The following RTRAF variants were observed in gnomAD, a reference collection of about 807,000 sequenced individuals.
RTRAF encodes tRNA-splicing ligase complex subunit RTRAF.
A neutral mutation model predicts 34.4 loss-of-function variants in RTRAF; 14 were observed. The observed-to-expected ratio is 0.41, with a 90% CI of 0.27 to 0.64. RTRAF has a LOEUF of 0.64. RTRAF is among the 30% of genes least tolerant of loss of function. The pLI is 0.34. For synonymous variants in RTRAF, 96 were observed against 95.3 expected (o/e 1.01, Z -0.04); for missense variants, 291 against 288.4 (o/e 1.01, Z -0.06).
At position 52,006,646 on chromosome 14, in the gene RTRAF, CCA is replaced by C; in HGVS notation, c.*2131_*2132del. 6.2e-7 allele frequency: 1 copy of C among 1,613,336 alleles called. No individual in the cohort carries two copies. On this transcript the variant is annotated 3_prime_UTR_variant, in exon 8 of 8. Transcript: ENST00000261700. ...CCAGTTCCATCAGGTAGTGTACACT[CCA>C]GTTTTTTGGTTCCTTTTAAAACAAA...
At position 52,004,236 on chromosome 14, in the gene RTRAF, A is replaced by G; in HGVS notation, c.574A>G (p.Thr192Ala). 1 of 1,613,524 alleles carries G rather than the reference A, an allele frequency of 6.2e-7. No homozygotes were observed. Among genetic ancestry groups the G allele is most frequent in the Non-Finnish European group, 8.5e-7 (1 of 1,179,646 alleles). Reference protein sequence around the residue: ...ALDKHILGFDTGDAVLNEAAQ... With the variant: ...ALDKHILGFDAGDAVLNEAAQ... ...AGACAAACATATTCTTGGTTTTGAC[A>G]CAGGAGGTAAGTGATTTTGTTTAAA... Residue 192 changes from threonine to alanine, a missense_variant, in exon 7 of 8, where the codon ACA becomes GCA. Coordinates refer to ENST00000261700, the MANE Select transcript of RTRAF (RefSeq NM_016039.3).
chr14:51,994,322 C>T (rs780236085), intron 3 of RTRAF, among the ~76,000 whole-genome samples: 2 of 152,172 alleles, frequency 1.3e-5, no homozygotes, highest in Non-Finnish European at 2.9e-5. Flanking sequence ...GGTGTTTTCT[C>T]TTATTAGACC....
At chr14:52,001,241 AGT>A (rs144834676) in intron 5 of RTRAF, among the ~76,000 whole-genome samples, 14,909 of 152,130 alleles carry the variant, frequency 0.098, 928 homozygotes, top group East Asian at 0.15. Flanking sequence ...TTGATTTTTA[AGT>A]GTGTATGGAT....
intron 5 of RTRAF, among the ~76,000 whole-genome samples, chr14:52,000,757 T>G (rs1209555750): frequency 6.6e-6 from 1 of 152,208 alleles, no homozygotes; most frequent in Non-Finnish European, 1.5e-5. Context: ...TTTCAAAGGC[T>G]TGTTCTTTAT....
chr14:52,003,416 A>G (rs1890639612), intron 6 of RTRAF, among the ~76,000 whole-genome samples: 1 of 152,188 alleles, frequency 6.6e-6, no homozygotes, highest in Non-Finnish European at 1.5e-5. Context: ...GAGCCTACGT[A>G]GATTTACATT....
rs1890847292 is a variant in RTRAF at position 52,007,768 on chromosome 14, G to GTGATGAGAGGT, written c.*3254_*3264dup. On this transcript the variant is annotated 3_prime_UTR_variant, in exon 8 of 8. Coordinates refer to ENST00000261700, the MANE Select transcript of RTRAF (RefSeq NM_016039.3). Reference sequence around the variant, plus strand: ...AAATCTGTTAGTGCTCACATTCACTGTGATGAGAGGTTATCTATTTGCATT... The same window carrying GTGATGAGAGGT: ...AAATCTGTTAGTGCTCACATTCACTGTGATGAGAGGTTGATGAGAGGTTATCTATTTGCATT... 1 of 1,534,410 alleles carries GTGATGAGAGGT rather than the reference G, an allele frequency of 6.5e-7. No homozygotes were observed. The highest frequency in any genetic ancestry group is 1.2e-5 in the South Asian group (1 of 86,856).
At chr14:52,004,071 C>G in intron 6 of RTRAF, 123 bp from the exon 7 acceptor site, 1 of 816,784 alleles carries the variant, frequency 1.2e-6, no homozygotes, top group South Asian at 1.7e-5. Context: ...ATTCCTAGTT[C>G]CCTTGCCCAT....
rs2140342029 is a variant in RTRAF at position 52,008,712 on chromosome 14, T to TA, written c.*4196_*4197insA. On this transcript the variant is annotated 3_prime_UTR_variant, in exon 8 of 8. Coordinates refer to ENST00000261700, the MANE Select transcript of RTRAF (RefSeq NM_016039.3). ...GAAGTCTTGAATTGGATCTTGGGTT[T>TA]TAGAATAGAAACAAATACAGCTGTT... is the stretch of plus-strand genomic sequence containing the variant. 6.6e-6 allele frequency: 1 copy of TA among 152,270 alleles called. No homozygotes were observed. Among genetic ancestry groups the TA allele is most frequent in the South Asian group, 2.1e-4 (1 of 4,824 alleles). 9.4% of individuals were successfully genotyped at this position (152,270 alleles called of 1,614,324 possible). A position where few individuals can be genotyped will look rare whatever the true frequency, so the allele number is the denominator to read the frequency against.
At chr14:52,003,231 GT>G (rs528779445) in intron 6 of RTRAF, among the ~76,000 whole-genome samples, 68 of 152,108 alleles carry the variant, frequency 4.5e-4, no homozygotes, top group Non-Finnish European at 7.9e-4. Context: ...GCATATGGTA[GT>G]TTTCAGGGGT....
rs1040282568 is a variant in RTRAF, at chr14:52,006,784, G to C, written c.*2268G>C. 2.0e-6 allele frequency: 2 copies of C among 1,012,506 alleles called. No homozygotes were observed. Among genetic ancestry groups the C allele is most frequent in the African/African-American group, 3.2e-5 (2 of 61,902 alleles). 62.7% of individuals were successfully genotyped at this position (1,012,506 alleles called of 1,614,324 possible). ...ATATTTTACTTCCATTACAGTCATAGATTAGCAACTGTAAAATTACCTGTC... is the reference window on the plus strand; with the variant it reads ...ATATTTTACTTCCATTACAGTCATACATTAGCAACTGTAAAATTACCTGTC... On this transcript the variant is annotated 3_prime_UTR_variant, in exon 8 of 8. Transcript: ENST00000261700.
rs1890823742 is a variant in RTRAF, at chr14:52,007,318, TC to T, written c.*2803del. On this transcript the variant is annotated 3_prime_UTR_variant, in exon 8 of 8. Coordinates refer to ENST00000261700, the MANE Select transcript of RTRAF (RefSeq NM_016039.3). ...AATTCAAGAACAGTCTTTTTCATAT[TC>T]TTTAGTATAGAACTAGACACACAGC... 6.4e-6 allele frequency: 1 copy of T among 156,266 alleles called. No homozygotes were observed. Among genetic ancestry groups the T allele is most frequent in the African/African-American group, 2.4e-5 (1 of 41,474 alleles). 9.7% of individuals were successfully genotyped at this position (156,266 alleles called of 1,614,324 possible).
chr14:52,001,747 G>A (rs550346976), intron 5 of RTRAF, 51 bp from the exon 6 acceptor site: 1 of 1,441,354 alleles, frequency 6.9e-7, no homozygotes, highest in African/African-American at 1.4e-5. Context: ...TAGAAGAAAG[G>A]ATGACAGGTA....
At chr14:51,992,207 T>C (rs929129119) in intron 2 of RTRAF, among the ~76,000 whole-genome samples, 1 of 152,214 alleles carries the variant, frequency 6.6e-6, no homozygotes, top group Non-Finnish European at 1.5e-5. Flanking sequence ...ATTCTCAGAT[T>C]AGAATAAAAA....
Position 52,005,688 on chromosome 14 carries a change from C to CTTCTCTACCCTGCTAATTT in RTRAF, c.*1173_*1191dup. The stretch of plus-strand genomic sequence containing the variant: ...GGGTAATCAAATACCATATATATCC[C>CTTCTCTACCCTGCTAATTT]TTCTCTACCCTGCTAATTTAAAGGA... On this transcript the variant is annotated 3_prime_UTR_variant, in exon 8 of 8. Coordinates refer to ENST00000261700, the MANE Select transcript of RTRAF (RefSeq NM_016039.3). 1 of 1,484,748 alleles carries CTTCTCTACCCTGCTAATTT rather than the reference C, an allele frequency of 6.7e-7. No individual in the cohort carries two copies. Among genetic ancestry groups the CTTCTCTACCCTGCTAATTT allele is most frequent in the Non-Finnish European group, 9.4e-7 (1 of 1,062,528 alleles). 92.0% of individuals were successfully genotyped at this position (1,484,748 alleles called of 1,614,324 possible).
intron 4 of RTRAF, chr14:51,999,412 T>C (rs1171231125): frequency 8.5e-6 from 2 of 234,284 alleles, no homozygotes; most frequent in African/African-American, 4.5e-5. Flanking sequence ...ATTTTCCTCA[T>C]CTTGCACTAG....
chr14:52,008,517 T>A lies in RTRAF; in HGVS notation c.*4001T>A, dbSNP rs1421957888. On this transcript the variant is annotated 3_prime_UTR_variant, in exon 8 of 8. Coordinates refer to ENST00000261700, the MANE Select transcript of RTRAF (RefSeq NM_016039.3). ...TTACACTGCTGAGGGTTTGGGCAATTTCTTACACAGCAGTAGGTAACTAAT... is the reference window on the plus strand; with the variant it reads ...TTACACTGCTGAGGGTTTGGGCAATATCTTACACAGCAGTAGGTAACTAAT... The A allele has an allele frequency of 6.6e-6, 1 of 152,294 alleles. No individual in the cohort carries two copies. The highest frequency in any genetic ancestry group is 2.4e-5 in the African/African-American group (1 of 41,436). 9.4% of individuals were successfully genotyped at this position (152,294 alleles called of 1,614,324 possible). A position where few individuals can be genotyped will look rare whatever the true frequency, so the allele number is the denominator to read the frequency against.
chr14:52,000,142 A>G (rs973290467), intron 5 of RTRAF, among the ~76,000 whole-genome samples: 5 of 152,168 alleles, frequency 3.3e-5, no homozygotes, highest in African/African-American at 9.6e-5. Context: ...TTTAAGCACT[A>G]TAACCCTGTG....
chr14:51,999,495 C>T (rs1890569667), intron 4 of RTRAF: 2 of 440,048 alleles, frequency 4.5e-6, no homozygotes, highest in Non-Finnish European at 8.1e-6. Flanking sequence ...GGGACCGTCT[C>T]ATACAGTAAT....
In RTRAF at chr14:52,006,649, G is replaced by A; in HGVS notation, c.*2133G>A. 6.2e-7 allele frequency: 1 copy of A among 1,613,296 alleles called. No homozygotes were observed. The highest frequency in any genetic ancestry group is 8.5e-7 in the Non-Finnish European group (1 of 1,179,554). On this transcript the variant is annotated 3_prime_UTR_variant, in exon 8 of 8. Transcript: ENST00000261700. ...GTTCCATCAGGTAGTGTACACTCCA[G>A]TTTTTTGGTTCCTTTTAAAACAAAG... is the stretch of plus-strand genomic sequence containing the variant.
Sources: allele counts gnomAD v4.1 joint callset (sites outside exome capture counted in the v4.1 genomes callset), GRCh38; gene constraint gnomAD v4.1.1; transcripts MANE v1.5; gene names NCBI Gene and HGNC (gene_info 2026-07-23, HGNC 2026-07-21).